Variants in GSK3A observed in about 807,000 individuals in gnomAD.
GSK3A encodes the protein glycogen synthase kinase 3 alpha.
GSK3A carries 14 observed loss-of-function variants against 56.6 expected under a neutral mutation model. That is an observed-to-expected ratio of 0.25 (90% CI 0.16 to 0.39). The LOEUF is 0.39. Among genes scored for constraint, GSK3A ranks in the 10% least tolerant of loss-of-function variants. The probability of loss-of-function intolerance (pLI) is 1.00; values close to 1 mark genes in which losing one functional copy is unlikely to be tolerated. For synonymous variants in GSK3A, 301 were observed against 285.0 expected (o/e 1.06, Z -0.56); for missense variants, 450 against 656.0 (o/e 0.69, Z 3.43).
intron 1 of GSK3A, chr19:42,241,195 C>A (rs2036289418): frequency 6.6e-6 from 1 of 151,986 alleles, no homozygotes; most frequent in Non-Finnish European, 1.5e-5. Flanking sequence ...CAGGGTTCCA[C>A]CAGTTGGCCA....
intron 10 of GSK3A, among the ~76,000 whole-genome samples, chr19:42,231,828 G>T (rs550710398): frequency 6.6e-6 from 1 of 151,932 alleles, no homozygotes; most frequent in South Asian, 2.1e-4. Context: ...TTGTGTTCAG[G>T]CCAGACGTTA....
Position 42,232,578 on chromosome 19 carries a change from G to A in GSK3A, c.1203C>T (p.Ser401=). ...CCAGACATCGCAGTTCATCAAAGAA[G>A]CTGTGCGCACAGGCCTCTAGTGGGG... ...RLSPLEACAH[S]FFDELRCLGT... Residue 401 remains serine (S), a synonymous_variant, in exon 9 of 11, where the codon AGC becomes AGT. Coordinates refer to ENST00000222330, the MANE Select transcript of GSK3A (RefSeq NM_019884.3). 6.2e-7 allele frequency: 1 copy of A among 1,614,144 alleles called. No homozygotes were observed. The highest frequency in any genetic ancestry group is 2.2e-5 in the East Asian group (1 of 44,884).
chr19:42,237,239 A>G (rs1599812149), intron 2 of GSK3A, among the ~76,000 whole-genome samples: 1 of 151,180 alleles, frequency 6.6e-6, no homozygotes, highest in Non-Finnish European at 1.5e-5. Flanking sequence ...GCTCACTGCA[A>G]CCTCTGCCTC....
At position 42,230,505 on chromosome 19, in the gene GSK3A, G is replaced by A. The variant is rs2036215902; in HGVS notation, c.*289C>T. On this transcript the variant is annotated 3_prime_UTR_variant, in exon 11 of 11. Coordinates refer to ENST00000222330, the MANE Select transcript of GSK3A (RefSeq NM_019884.3). ...GACACAGGAGGGGAGGGGGTCTGGA[G>A]GAGGTGGAGGTCTGGGGGAGGGGAG... 2.1e-6 allele frequency: 1 copy of A among 487,222 alleles called. No homozygotes were observed. Among genetic ancestry groups the A allele is most frequent in the Admixed American group, 3.4e-5 (1 of 29,612 alleles). 30.2% of individuals were successfully genotyped at this position (487,222 alleles called of 1,614,324 possible).
Position 42,233,212 on chromosome 19 carries a change from A to G in GSK3A, c.1003-7T>C. On this transcript the variant is annotated splice_polypyrimidine_tract_variant and splice_region_variant and intron_variant, in intron 7 of 10. Transcript: ENST00000222330. ...GGGTTGGTGTTCCCAGCACCTGTAA[A>G]GAGAGGGAGGGGTCTGAGACAAGGG... 2 of 1,603,908 alleles carry G rather than the reference A, an allele frequency of 1.2e-6. No individual in the cohort carries two copies. The highest frequency in any genetic ancestry group is 1.7e-6 in the Non-Finnish European group (2 of 1,173,742).
At chr19:42,240,452 C>A (rs1253923528) in intron 1 of GSK3A, 2 of 558,850 alleles carry the variant, frequency 3.6e-6, no homozygotes, top group Non-Finnish European at 6.4e-6. Flanking sequence ...CATCTTGGTA[C>A]TGGGAGACAT....
rs984204862 is a variant in GSK3A, at chr19:42,242,296, C to G, written c.170G>C (p.Gly57Ala). 1.4e-6 allele frequency: 2 copies of G among 1,445,368 alleles called. No individual in the cohort carries two copies. The highest frequency in any genetic ancestry group is 2.7e-5 in the South Asian group (2 of 73,714). The allele number at this position is 1,445,368 out of a possible 1,614,324, so 89.5% of individuals were successfully genotyped here. A position where few individuals can be genotyped will look rare whatever the true frequency, so the allele number is the denominator to read the frequency against. ...GGAGCTCGAGGCCCCGACGCCCCCA[C>G]CCATGGCCCCGACAGATGCCTTTCC... Reference protein sequence around the residue: ...GGGKASVGAMGGGVGASSSGG... With the variant: ...GGGKASVGAMAGGVGASSSGG... The change falls in exon 1 of 11, where the codon GGT becomes GCT. Residue 57 changes from glycine (G) to alanine (A), a missense_variant. By Grantham distance (60) the Gly-to-Ala change is moderately conservative. This residue lies in a region of GSK3A where 193 missense variants were observed against 200.5 expected (regional missense o/e 0.96). Transcript: ENST00000222330.
intron 8 of GSK3A, 92 bp downstream of exon 8, chr19:42,233,018 C>T (rs2036234054): frequency 5.1e-6 from 4 of 791,806 alleles, no homozygotes; most frequent in Non-Finnish European, 8.3e-6. Flanking sequence ...TCCTCCCAAG[C>T]CGTGATTCTG....
At chr19:42,232,179 G>T in intron 9 of GSK3A, 30 bp from the exon 10 acceptor site, 1 of 1,377,938 alleles carries the variant, frequency 7.3e-7, no homozygotes, top group Non-Finnish European at 1.0e-6. Context: ...TGCTAGTCAG[G>T]GTAGACTACA....
chr19:42,237,324 A>T (rs956600114), intron 2 of GSK3A, among the ~76,000 whole-genome samples: 5 of 151,502 alleles, frequency 3.3e-5, no homozygotes, highest in African/African-American at 1.2e-4. Context: ...ACGCCCAGCT[A>T]ATTTTTGTAT....
At chr19:42,240,461 A>T (rs530767685) in intron 1 of GSK3A, 368 of 546,196 alleles carry the variant, frequency 6.7e-4, no homozygotes, top group Non-Finnish European at 1.1e-3. Context: ...ACTGGGAGAC[A>T]TCAGATGTTG....
At chr19:42,233,072 C>G (rs768053268) in intron 8 of GSK3A, 38 bp downstream of exon 8, 28 of 1,350,780 alleles carry the variant, frequency 2.1e-5, no homozygotes, top group South Asian at 1.9e-4. Context: ...GGGACCAGCT[C>G]TCAGCCATAC....
intron 2 of GSK3A, among the ~76,000 whole-genome samples, chr19:42,238,771 G>C (rs1013950578): frequency 5.9e-5 from 9 of 151,814 alleles, no homozygotes; most frequent in Admixed American, 3.9e-4. Context: ...AGACCAGCCT[G>C]GCCAACATGG....
intron 2 of GSK3A, among the ~76,000 whole-genome samples, chr19:42,237,162 ATT>A (rs34452258): frequency 2.9e-5 from 4 of 140,056 alleles, no homozygotes; most frequent in Non-Finnish European, 3.1e-5. Context: ...TCTTCACCCC[ATT>A]TTTTTTTTTT....
chr19:42,242,496 T>TCGGGCTGCC lies in GSK3A; in HGVS notation c.-40_-32dup, dbSNP rs1166634847. 19 of 1,108,224 alleles carry TCGGGCTGCC rather than the reference T, an allele frequency of 1.7e-5. No homozygotes were observed. The highest frequency in any genetic ancestry group is 5.1e-5 in the Admixed American group (1 of 19,496). The allele number at this position is 1,108,224 out of a possible 1,614,324, so 68.6% of individuals were successfully genotyped here. ...CGAGCACAGGCCCAGGCTGCGGGGCTCGGGCTGCCCGGGCTGCCCCAGCCG... is the reference window on the plus strand; with the variant it reads ...CGAGCACAGGCCCAGGCTGCGGGGCTCGGGCTGCCCGGGCTGCCCGGGCTGCCCCAGCCG... On this transcript the variant is annotated 5_prime_UTR_variant, in exon 1 of 11. Coordinates refer to ENST00000222330, the MANE Select transcript of GSK3A (RefSeq NM_019884.3).
intron 1 of GSK3A, chr19:42,241,546 T>C (rs2036292065): frequency 6.6e-6 from 1 of 152,232 alleles, no homozygotes; most frequent in South Asian, 2.1e-4. Flanking sequence ...TGACTCCCAA[T>C]GTCTTTATAT....
intron 1 of GSK3A, chr19:42,240,477 A>T (rs2036285051): frequency 1.9e-6 from 1 of 523,254 alleles, no homozygotes; most frequent in South Asian, 2.6e-5. Flanking sequence ...TGTTGACTCC[A>T]TCTACTCTGG....
chr19:42,238,606 C>CAA (rs769150560), intron 2 of GSK3A, among the ~76,000 whole-genome samples: 34 of 33,124 alleles, frequency 1.0e-3, no homozygotes, highest in East Asian at 1.8e-3. Flanking sequence ...GACTCCGTCT[C>CAA]AAAAAAAAAA....
rs1295983715 is a variant in GSK3A, at chr19:42,232,666, G to A, written c.1115C>T (p.Thr372Met). The A allele has an allele frequency of 6.3e-7, 1 of 1,582,270 alleles. No individual in the cohort carries two copies. Among genetic ancestry groups the A allele is most frequent in the Non-Finnish European group, 8.6e-7 (1 of 1,161,232 alleles). Residue 372 changes from threonine to methionine, a missense_variant, in exon 9 of 11, where the codon ACG becomes ATG. Thr to Met is a moderately conservative substitution (Grantham distance 81). Around this residue, in one of 3 missense-constraint regions of GSK3A, gnomAD observed 113 missense variants for 147.5 expected, o/e 0.77. Transcript: ENST00000222330. The part of the protein sequence containing the change: ...HPWTKVFKSR[T>M]PPEAIALCSS... ...GCAGAGCGCGATGGCCTCTGGCGGC[G>A]TTCGAGATTTGAACACCTGAGGGAT...
Sources: gnomAD v4.1 joint callset for allele counts (sites outside exome capture counted in the v4.1 genomes callset) on GRCh38, gnomAD v4.1.1 for gene constraint, gnomAD v4.1.1 regional missense constraint, MANE v1.5 for transcripts, NCBI Gene and HGNC (gene_info 2026-07-23, HGNC 2026-07-21) for gene names.